Variants in LRP1B observed in about 807,000 individuals in gnomAD.
LRP1B encodes low-density lipoprotein receptor-related protein 1B.
In LRP1B, 217 loss-of-function variants were observed where a neutral mutation model predicts 556.6. The observed-to-expected ratio is 0.39, with a 90% CI of 0.35 to 0.44. The LOEUF (loss-of-function observed/expected upper bound fraction) is 0.44, where lower values mean the gene tolerates loss of function less well. LRP1B is among the 20% of genes least tolerant of loss of function. The pLI, the probability that LRP1B is intolerant of heterozygous loss-of-function variation, is 1.00. For synonymous variants in LRP1B, 2,047 were observed against 1,865.8 expected, an observed-to-expected ratio of 1.10 and a Z score of -2.50; for missense variants, 5,053 against 5,620.8, an observed-to-expected ratio of 0.90 and a Z score of 3.23.
chr2:140,370,937 T>C, intron 70 of LRP1B, 95 bp from the exon 71 acceptor site: 1 of 1,309,166 alleles, frequency 7.6e-7, no homozygotes, highest in Non-Finnish European at 1.1e-6. Flanking sequence ...TAGAGCTTTA[T>C]TATACCATGG....
In LRP1B at chr2:141,328,096, C is replaced by T. The variant is rs534589093; in HGVS notation, c.344-73455G>A. Among the ~76,000 whole-genome samples, 11 of 152,258 alleles carry T rather than the reference C, an allele frequency of 7.2e-5. No homozygotes were observed. The South Asian group carries it at 1.7e-3, about 23-fold the overall frequency. ...ATACATGGTTAGGTTATTCTGTATA[C>T]ATATATACATGCCTCTATATACTAG... On this transcript the variant is annotated intron_variant, in intron 3 of 90. Transcript: ENST00000389484.
At chr2:140,625,927 G>A (rs1683642153) in intron 41 of LRP1B, among the ~76,000 whole-genome samples, 1 of 152,156 alleles carries the variant, frequency 6.6e-6, no homozygotes, top group Non-Finnish European at 1.5e-5. Context: ...GTACATGGTT[G>A]TTTATGGCAG....
intron 6 of LRP1B, among the ~76,000 whole-genome samples, chr2:141,223,501 T>G (rs1311795305): frequency 6.6e-6 from 1 of 152,166 alleles, no homozygotes; most frequent in Non-Finnish European, 1.5e-5. Flanking sequence ...TAAACTACCA[T>G]TGACATTCTT....
At chr2:141,596,413 T>C (rs1161274511) in intron 2 of LRP1B, among the ~76,000 whole-genome samples, 3 of 152,044 alleles carry the variant, frequency 2.0e-5, no homozygotes, top group African/African-American at 4.8e-5. Flanking sequence ...CAAGTAAAAC[T>C]GATCTGATCA....
chr2:141,917,513 T>C (rs1453014570), intron 1 of LRP1B, among the ~76,000 whole-genome samples: 1 of 152,236 alleles, frequency 6.6e-6, no homozygotes, highest in Admixed American at 6.5e-5. Context: ...ATCATGTATT[T>C]GAATACAAAC....
intron 11 of LRP1B, among the ~76,000 whole-genome samples, chr2:141,036,538 T>A (rs1442712000): frequency 6.6e-6 from 1 of 151,904 alleles, no homozygotes; most frequent in African/African-American, 2.4e-5. Context: ...AAACAAATAA[T>A]CTGCCTCTAG....
At chr2:142,074,278 C>A (rs1705423553) in intron 1 of LRP1B, among the ~76,000 whole-genome samples, 1 of 152,030 alleles carries the variant, frequency 6.6e-6, no homozygotes, top group South Asian at 2.1e-4. Context: ...TCTGCCTTTC[C>A]CAGTAGGCTT....
At chr2:140,684,427 T>C (rs2105384774) in intron 41 of LRP1B, among the ~76,000 whole-genome samples, 1 of 152,350 alleles carries the variant, frequency 6.6e-6, no homozygotes, top group Non-Finnish European at 1.5e-5. Flanking sequence ...AGACACTTGC[T>C]GTTCCAGGCC....
intron 15 of LRP1B, among the ~76,000 whole-genome samples, chr2:141,003,210 T>C (rs1411045868): frequency 6.6e-6 from 1 of 151,804 alleles, no homozygotes; most frequent in Non-Finnish European, 1.5e-5. Flanking sequence ...AGAAAATAAA[T>C]GGTTTGAAAG....
At chr2:141,421,889 T>C (rs1300247116) in intron 3 of LRP1B, among the ~76,000 whole-genome samples, 1 of 152,214 alleles carries the variant, frequency 6.6e-6, no homozygotes. Flanking sequence ...TCCTCAGTTT[T>C]TCCCAATTGA....
At chr2:141,618,062 G>A (rs1688373319) in intron 2 of LRP1B, among the ~76,000 whole-genome samples, 1 of 152,148 alleles carries the variant, frequency 6.6e-6, no homozygotes, top group South Asian at 2.1e-4. Flanking sequence ...AGTCCTGAGT[G>A]TTTGCTATAT....
At chr2:141,315,856 A>G (rs890383615) in intron 3 of LRP1B, among the ~76,000 whole-genome samples, 23 of 143,188 alleles carry the variant, frequency 1.6e-4, no homozygotes, top group African/African-American at 5.8e-4. Flanking sequence ...TGTAAAATGC[A>G]GAAAATCCTC....
At position 141,110,391 on chromosome 2, in the gene LRP1B, T is replaced by C. The variant is rs532163770; in HGVS notation, c.1014-48118A>G. ...TTTTCCTCTTCCTATTTAGGTTTAG[T>C]ACCTAGGAGCTTGTGAATTAAACTG... On this transcript the variant is annotated intron_variant, in intron 7 of 90. Transcript: ENST00000389484. Among the ~76,000 whole-genome samples, 177 of 152,284 alleles carry C rather than the reference T, an allele frequency of 1.2e-3. 1 individual carries two copies. Among genetic ancestry groups the C allele is most frequent in the Non-Finnish European group, 1.9e-3 (132 of 68,022 alleles).
intron 3 of LRP1B, among the ~76,000 whole-genome samples, chr2:141,421,068 C>T (rs1428587222): frequency 6.6e-6 from 1 of 152,146 alleles, no homozygotes; most frequent in Admixed American, 6.5e-5. Context: ...ATACCACAAC[C>T]TCATAACTGG....
chr2:140,501,731 T>C lies in LRP1B; in HGVS notation c.8806A>G (p.Ser2936Gly), dbSNP rs368865239. ...TCTTGACAGTCTTGAGAACATCCAC[T>C]GACTTTCTTACTCAAACATTCATTT... ...HINECLSKKVSGCSQDCQDLP... is the reference protein window; with the variant it reads ...HINECLSKKVGGCSQDCQDLP... Residue 2936 changes from serine (S) to glycine (G), a missense_variant, in exon 55 of 91, where the codon AGT becomes GGT. Transcript: ENST00000389484. The C allele has an allele frequency of 6.2e-6, 10 of 1,612,658 alleles. No homozygotes were observed. Among genetic ancestry groups the C allele is most frequent in the Admixed American group, 3.3e-5 (2 of 59,912 alleles).
chr2:141,895,893 A>T (rs942317954), intron 1 of LRP1B, among the ~76,000 whole-genome samples: 4 of 152,020 alleles, frequency 2.6e-5, no homozygotes, highest in Non-Finnish European at 5.9e-5. Flanking sequence ...ACTTAGGGGC[A>T]TTGCTTTTTA....
intron 3 of LRP1B, among the ~76,000 whole-genome samples, chr2:141,344,032 C>A (rs1033129263): frequency 6.6e-6 from 1 of 152,040 alleles, no homozygotes; most frequent in African/African-American, 2.4e-5. Flanking sequence ...CGATCAAGTG[C>A]CCACCTCATT....
chr2:140,820,017 C>A (rs1691265791), intron 31 of LRP1B, among the ~76,000 whole-genome samples: 1 of 152,106 alleles, frequency 6.6e-6, no homozygotes, highest in African/African-American at 2.4e-5. Flanking sequence ...ATTATTTTTT[C>A]AAGACAGAGT....
chr2:141,999,592 T>A (rs967720644), intron 1 of LRP1B, among the ~76,000 whole-genome samples: 7 of 151,888 alleles, frequency 4.6e-5, no homozygotes, highest in Non-Finnish European at 1.5e-5. Flanking sequence ...AAAAGTAGAG[T>A]TTGTTAATAG....
Sources: allele counts gnomAD v4.1 joint callset (sites outside exome capture counted in the v4.1 genomes callset), GRCh38; gene constraint gnomAD v4.1.1; transcripts MANE v1.5; gene names NCBI Gene and HGNC (gene_info 2026-07-23, HGNC 2026-07-21).